The following MARCHF8 variants were observed in gnomAD, a reference collection of about 807,000 sequenced individuals.
MARCHF8 encodes membrane associated ring-CH-type finger 8.
MARCHF8 carries 40 observed loss-of-function variants against 51.6 expected under a neutral mutation model. That is an observed-to-expected ratio of 0.77 (90% CI 0.60 to 1.01). The LOEUF (loss-of-function observed/expected upper bound fraction) is 1.01, where lower values mean the gene tolerates loss of function less well. MARCHF8 is among the 50% of genes least tolerant of loss of function. The pLI, the probability that MARCHF8 is intolerant of heterozygous loss-of-function variation, is 0.00. For synonymous variants in MARCHF8, 263 were observed against 280.3 expected (o/e 0.94, Z 0.62); for missense variants, 685 against 708.6 (o/e 0.97, Z 0.38).
chr10:45,481,918 A>T (rs1564475944), intron 3 of MARCHF8, among the ~76,000 whole-genome samples: 1 of 152,216 alleles, frequency 6.6e-6, no homozygotes, highest in African/African-American at 2.4e-5. Flanking sequence ...TATACCTAGA[A>T]AAACCTAAAG....
At chr10:45,594,316 T>C (rs987263189) in exon 1 of MARCHF8, 1 of 152,244 alleles carries the variant, frequency 6.6e-6, no homozygotes, top group African/African-American at 2.4e-5. Flanking sequence ...CACGGATCAC[T>C]AGTCCGAGCT....
At chr10:45,477,667 C>A (rs1461742830) in intron 3 of MARCHF8, among the ~76,000 whole-genome samples, 1 of 152,080 alleles carries the variant, frequency 6.6e-6, no homozygotes, top group African/African-American at 2.4e-5. Flanking sequence ...ATGCTGTGTA[C>A]AAGAAGCTCA....
rs1056899595 is a variant in MARCHF8, at chr10:45,535,226, T to C, written c.-94A>G. 7 of 152,238 alleles carry C rather than the reference T, an allele frequency of 4.6e-5. No homozygotes were observed. Among genetic ancestry groups the C allele is most frequent in the African/African-American group, 1.4e-4 (6 of 41,452 alleles). 9.4% of individuals were successfully genotyped at this position (152,238 alleles called of 1,614,324 possible). The stretch of plus-strand genomic sequence containing the variant: ...AGGCACTTACTGCGGAGCTGCCTTA[T>C]ACTCCCTGGGAGATCACAATAGTCA... On this transcript the variant is annotated 5_prime_UTR_variant, in exon 1 of 8. Transcript: ENST00000453424.
intron 2 of MARCHF8, among the ~76,000 whole-genome samples, chr10:45,499,978 CT>C (rs1246957275): frequency 6.6e-6 from 1 of 152,170 alleles, no homozygotes; most frequent in Non-Finnish European, 1.5e-5. Flanking sequence ...ACAAAAGTCA[CT>C]GAGATTTTGA....
At chr10:45,512,104 C>T (rs572051670) in intron 2 of MARCHF8, among the ~76,000 whole-genome samples, 64 of 149,596 alleles carry the variant, frequency 4.3e-4, no homozygotes, top group African/African-American at 1.5e-3. Context: ...CCCGCCGCCC[C>T]GTCTGGGATG....
chr10:45,538,119 T>C (rs1006022362), upstream of MARCHF8, among the ~76,000 whole-genome samples: 1 of 152,164 alleles, frequency 6.6e-6, no homozygotes, highest in African/African-American at 2.4e-5. Flanking sequence ...AGCTGATCTC[T>C]CGGCAGAAAC....
At chr10:45,554,108 T>C in intron 1 of MARCHF8, among the ~76,000 whole-genome samples, 1 of 152,232 alleles carries the variant, frequency 6.6e-6, no homozygotes, top group South Asian at 2.1e-4. Flanking sequence ...AAAACAGTTT[T>C]ACCAGACATC....
Position 45,457,319 on chromosome 10 carries a change from G to A in MARCHF8, c.*920C>T, listed in dbSNP as rs1054488179. 5 of 152,186 alleles carry A rather than the reference G, an allele frequency of 3.3e-5. No homozygotes were observed. Among genetic ancestry groups the A allele is most frequent in the African/African-American group, 1.2e-4 (5 of 41,436 alleles). The allele number at this position is 152,186 out of a possible 1,614,324, so 9.4% of individuals were successfully genotyped here. On this transcript the variant is annotated 3_prime_UTR_variant, in exon 8 of 8. Coordinates refer to ENST00000453424, the MANE Select transcript of MARCHF8 (RefSeq NM_001282866.2). ...TTTTCAGTGTTGACAAAAAAGAAAT[G>A]TATGGGCCAGGTCTACAAAGTAACA...
chr10:45,585,856 T>C (rs1309903201), intron 1 of MARCHF8, among the ~76,000 whole-genome samples: 2 of 152,290 alleles, frequency 1.3e-5, no homozygotes, highest in East Asian at 3.9e-4. Context: ...TCAAATGATA[T>C]AAAGAGTCCA....
At chr10:45,518,440 G>A (rs969810514) in intron 2 of MARCHF8, among the ~76,000 whole-genome samples, 1 of 152,126 alleles carries the variant, frequency 6.6e-6, no homozygotes, top group Non-Finnish European at 1.5e-5. Context: ...TGTCCTTGAG[G>A]CAGCAGGAAA....
chr10:45,581,810 A>T (rs1435039893), intron 1 of MARCHF8, among the ~76,000 whole-genome samples: 1 of 152,172 alleles, frequency 6.6e-6, no homozygotes, highest in Non-Finnish European at 1.5e-5. Flanking sequence ...GTTTACGGGG[A>T]AAGTGTCAAG....
At chr10:45,547,990 C>G (rs905995388) in intron 1 of MARCHF8, among the ~76,000 whole-genome samples, 1 of 152,126 alleles carries the variant, frequency 6.6e-6, no homozygotes, top group Non-Finnish European at 1.5e-5. Flanking sequence ...TATCACAAGC[C>G]ACAGAAAAGA....
At chr10:45,572,837 C>G (rs111405577) in intron 1 of MARCHF8, among the ~76,000 whole-genome samples, 5,350 of 152,154 alleles carry the variant, frequency 0.035, 145 homozygotes, top group East Asian at 0.052. Context: ...ACCCAAAACT[C>G]CAGCGCTGGT....
intron 3 of MARCHF8, among the ~76,000 whole-genome samples, chr10:45,465,750 G>A (rs532575246): frequency 7.2e-5 from 11 of 152,200 alleles, no homozygotes; most frequent in Non-Finnish European, 1.3e-4. Flanking sequence ...TGTGTACACT[G>A]AGATCACGCT....
intron 1 of MARCHF8, among the ~76,000 whole-genome samples, chr10:45,548,842 G>A (rs1343117109): frequency 6.6e-6 from 1 of 151,822 alleles, no homozygotes; most frequent in African/African-American, 2.4e-5. Context: ...TAAAAATGCA[G>A]AAATTAGCCG....
chr10:45,488,612 G>A (rs1254612321), intron 3 of MARCHF8, among the ~76,000 whole-genome samples: 1 of 152,198 alleles, frequency 6.6e-6, no homozygotes, highest in Non-Finnish European at 1.5e-5. Flanking sequence ...CCTGCCAACA[G>A]AAGGTTTGCT....
chr10:45,465,769 C>A (rs1057434797), intron 3 of MARCHF8, among the ~76,000 whole-genome samples: 1 of 152,230 alleles, frequency 6.6e-6, no homozygotes, highest in Non-Finnish European at 1.5e-5. Flanking sequence ...CTGTGCCACT[C>A]CATGAGCACA....
chr10:45,555,044 A>C (rs2044236190), intron 1 of MARCHF8, among the ~76,000 whole-genome samples: 1 of 150,978 alleles, frequency 6.6e-6, no homozygotes, highest in Non-Finnish European at 1.5e-5. Flanking sequence ...ACAGAGTGAG[A>C]CTCTGTCTCC....
At chr10:45,512,459 G>A (rs1258603310) in intron 2 of MARCHF8, among the ~76,000 whole-genome samples, 2 of 150,712 alleles carry the variant, frequency 1.3e-5, no homozygotes, top group African/African-American at 4.9e-5. Flanking sequence ...CCTCTGCCCG[G>A]CCGCCCCTAC....
Sources: allele counts gnomAD v4.1 joint callset (sites outside exome capture counted in the v4.1 genomes callset), GRCh38; gene constraint gnomAD v4.1.1; transcripts MANE v1.5; gene names NCBI Gene and HGNC (gene_info 2026-07-23, HGNC 2026-07-21).